SNX10: variants seen among roughly 807,000 people sequenced by gnomAD.
The protein encoded by SNX10 is sorting nexin 10.
SNX10 carries 25 observed loss-of-function variants against 28.5 expected under a neutral mutation model. The observed-to-expected ratio is 0.88, with a 90% CI of 0.64 to 1.22. SNX10 has a LOEUF of 1.22. Ranked by LOEUF, SNX10 falls within the 50% of genes most tolerant of loss-of-function variation. The pLI is 0.00. For synonymous variants in SNX10, 62 were observed against 81.4 expected (o/e 0.76, Z 1.28); for missense variants, 223 against 242.6 (o/e 0.92, Z 0.54).
intron 1 of SNX10, among the ~76,000 whole-genome samples, chr7:26,326,938 G>T (rs957984475): frequency 6.8e-4 from 99 of 145,762 alleles, no homozygotes; most frequent in African/African-American, 2.2e-3. Flanking sequence ...CACTGTCTCT[G>T]TGTTAATTAT....
chr7:26,316,088 G>A (rs1787072561), intron 1 of SNX10, among the ~76,000 whole-genome samples: 1 of 151,398 alleles, frequency 6.6e-6, no homozygotes, highest in Non-Finnish European at 1.5e-5. Flanking sequence ...AGAGGCCGAG[G>A]CAGGAGAATG....
rs1007510515 is a variant in SNX10 at position 26,372,968 on chromosome 7, G to C, written c.*396G>C. ...GTGGGGCAGTGTTACCATAAACACG[G>C]TGTATATGTTGTTAAACCCTATGAA... On this transcript the variant is annotated 3_prime_UTR_variant, in exon 7 of 7. Coordinates refer to ENST00000338523, the MANE Select transcript of SNX10 (RefSeq NM_013322.3). 5 of 180,084 alleles carry C rather than the reference G, an allele frequency of 2.8e-5. No individual in the cohort carries two copies. The highest frequency in any genetic ancestry group is 1.2e-4 in the African/African-American group (5 of 41,868). The allele number at this position is 180,084 out of a possible 1,614,324, so 11.2% of individuals were successfully genotyped here. A position where few individuals can be genotyped will look rare whatever the true frequency, so the allele number is the denominator to read the frequency against.
At chr7:26,353,183 G>A (rs1025231800) in intron 2 of SNX10, among the ~76,000 whole-genome samples, 4 of 152,136 alleles carry the variant, frequency 2.6e-5, no homozygotes, top group African/African-American at 9.7e-5. Flanking sequence ...TCATCATTCA[G>A]TACCACCAGA....
intron 1 of SNX10, among the ~76,000 whole-genome samples, chr7:26,337,147 T>A (rs1441238887): frequency 2.6e-5 from 4 of 152,184 alleles, no homozygotes; most frequent in Non-Finnish European, 4.4e-5. Context: ...AAGAAAAAAA[T>A]ATGGTACTTG....
chr7:26,369,751 A>C (rs1447387700), intron 5 of SNX10, among the ~76,000 whole-genome samples: 1 of 152,140 alleles, frequency 6.6e-6, no homozygotes, highest in Non-Finnish European at 1.5e-5. Flanking sequence ...GAAAAAGAAA[A>C]CGCTGGGAAA....
intron 2 of SNX10, among the ~76,000 whole-genome samples, chr7:26,348,920 T>C (rs73285259): frequency 0.027 from 4,041 of 152,332 alleles, 167 homozygotes; most frequent in African/African-American, 0.091. Flanking sequence ...CTTCTACTTA[T>C]CCTTCAGGCA....
chr7:26,345,051 T>G (rs1788330556), intron 1 of SNX10, among the ~76,000 whole-genome samples: 2 of 152,144 alleles, frequency 1.3e-5, no homozygotes, highest in South Asian at 4.1e-4. Context: ...TTCTCTGTGT[T>G]CTCCTCTCTT....
At chr7:26,335,839 G>A (rs1235283739) in intron 1 of SNX10, among the ~76,000 whole-genome samples, 25 of 147,426 alleles carry the variant, frequency 1.7e-4, no homozygotes, top group Non-Finnish European at 1.5e-5. Context: ...CGCCTTCCGG[G>A]TTCACGCCAT....
In SNX10 at chr7:26,365,100, A is replaced by G; in HGVS notation, c.266A>G (p.Gln89Arg). 1 of 1,613,586 alleles carries G rather than the reference A, an allele frequency of 6.2e-7. No homozygotes were observed. The highest frequency in any genetic ancestry group is 8.5e-7 in the Non-Finnish European group (1 of 1,179,482). The change falls in exon 5 of 7, where the codon CAG (glutamine) becomes CGG (arginine). Residue 89 changes from glutamine to arginine, a missense_variant. Gln to Arg is a conservative substitution (Grantham distance 43). Coordinates refer to ENST00000338523, the MANE Select transcript of SNX10 (RefSeq NM_013322.3). ...CTGTTTTTCAACATGAACAATCGCC[A>G]GCACGTGGATCAGCGTCGCCAGGGT... ...KNLFFNMNNRQHVDQRRQGLE... is the reference protein window; with the variant it reads ...KNLFFNMNNRRHVDQRRQGLE...
intron 1 of SNX10, among the ~76,000 whole-genome samples, chr7:26,307,246 G>GC (rs1786635796): frequency 6.6e-6 from 1 of 151,976 alleles, no homozygotes; most frequent in Non-Finnish European, 1.5e-5. Context: ...CTCTCCAGAC[G>GC]CCTAAAGACT....
intron 5 of SNX10, among the ~76,000 whole-genome samples, chr7:26,367,960 GA>G (rs1369638300): frequency 1.3e-5 from 2 of 152,140 alleles, no homozygotes; most frequent in Non-Finnish European, 2.9e-5. Flanking sequence ...CAAACCTTTT[GA>G]AACCACAATG....
intron 1 of SNX10, among the ~76,000 whole-genome samples, chr7:26,302,890 A>G (rs1786431364): frequency 6.6e-6 from 1 of 152,192 alleles, no homozygotes; most frequent in Non-Finnish European, 1.5e-5. Flanking sequence ...CGGAGGTTGC[A>G]GTGAGCCGAA....
intron 5 of SNX10, 141 bp downstream of exon 5, chr7:26,365,286 C>T: frequency 5.3e-6 from 3 of 567,836 alleles, no homozygotes; most frequent in Non-Finnish European, 9.7e-6. Flanking sequence ...TGGCCCATTT[C>T]CTATATTAGA....
intron 1 of SNX10, among the ~76,000 whole-genome samples, chr7:26,322,534 A>T (rs1787349875): frequency 6.6e-6 from 1 of 152,120 alleles, no homozygotes; most frequent in South Asian, 2.1e-4. Context: ...CTGTTTAGGA[A>T]CCCGTGTCGT....
chr7:26,333,701 A>G (rs1787826311), intron 1 of SNX10, among the ~76,000 whole-genome samples: 1 of 152,162 alleles, frequency 6.6e-6, no homozygotes, highest in African/African-American at 2.4e-5. Flanking sequence ...TTACCAGGTG[A>G]AGGGGTAGAG....
At chr7:26,336,808 G>A (rs1022693901) in intron 1 of SNX10, among the ~76,000 whole-genome samples, 1 of 152,164 alleles carries the variant, frequency 6.6e-6, no homozygotes, top group Non-Finnish European at 1.5e-5. Flanking sequence ...TCATGCAGAT[G>A]GAACATAATT....
At chr7:26,295,746 T>C (rs777501605) in intron 1 of SNX10, among the ~76,000 whole-genome samples, 4 of 152,222 alleles carry the variant, frequency 2.6e-5, no homozygotes, top group South Asian at 4.1e-4. Context: ...GAAGTGCCTG[T>C]CAAAATACGA....
intron 2 of SNX10, chr7:26,360,741 C>A: frequency 9.7e-7 from 1 of 1,032,676 alleles, no homozygotes; most frequent in Non-Finnish European, 1.3e-6. Flanking sequence ...TCCAGAAGTG[C>A]TCCCACCTCA....
At chr7:26,313,261 C>T (rs985339495) in intron 1 of SNX10, among the ~76,000 whole-genome samples, 1 of 152,196 alleles carries the variant, frequency 6.6e-6, no homozygotes, top group Non-Finnish European at 1.5e-5. Flanking sequence ...AGGAGACCTA[C>T]CCTCTTAACA....
Sources: allele counts gnomAD v4.1 joint callset (sites outside exome capture counted in the v4.1 genomes callset), GRCh38; gene constraint gnomAD v4.1.1; transcripts MANE v1.5; gene names NCBI Gene and HGNC (gene_info 2026-07-23, HGNC 2026-07-21).